RAD51B: variants seen among roughly 807,000 people sequenced by gnomAD.
RAD51B encodes the protein RAD51 paralog B, also known as DNA repair protein RAD51 homolog 2.
A neutral mutation model predicts 42.2 loss-of-function variants in RAD51B; 38 were observed. The ratio of observed to expected loss-of-function variants is 0.90; its 90% CI spans 0.70 to 1.18. RAD51B has a LOEUF of 1.18. Among genes scored for constraint, RAD51B ranks in the 50% most tolerant of loss-of-function variants. RAD51B has a pLI of 0.00. For synonymous variants in RAD51B, 154 were observed against 145.2 expected (o/e 1.06, Z -0.43); for missense variants, 373 against 400.7 (o/e 0.93, Z 0.59).
intron 7 of RAD51B, among the ~76,000 whole-genome samples, chr14:67,915,604 A>G (rs1174022608): frequency 1.3e-5 from 2 of 152,188 alleles, no homozygotes; most frequent in African/African-American, 4.8e-5. Flanking sequence ...TGCTAGACCT[A>G]CTGCCCTTTA....
chr14:68,161,563 A>C (rs1015968860), intron 7 of RAD51B, among the ~76,000 whole-genome samples: 3 of 152,198 alleles, frequency 2.0e-5, no homozygotes, highest in Admixed American at 2.0e-4. Flanking sequence ...GTTTCCTCTA[A>C]AGGAAGAGAC....
At chr14:68,674,600 G>A (rs921921956) in intron 11 of RAD51B, among the ~76,000 whole-genome samples, 8 of 152,036 alleles carry the variant, frequency 5.3e-5, no homozygotes, top group Admixed American at 1.3e-4. Flanking sequence ...CAGAAAATGT[G>A]TATGAGTAAA....
chr14:68,034,111 A>C (rs2076086400), intron 7 of RAD51B, among the ~76,000 whole-genome samples: 1 of 152,012 alleles, frequency 6.6e-6, no homozygotes, highest in African/African-American at 2.4e-5. Context: ...GATTTTGTTC[A>C]TTTTTTTGGT....
intron 4 of RAD51B, among the ~76,000 whole-genome samples, chr14:67,853,785 A>C (rs558741580): frequency 6.6e-6 from 1 of 152,334 alleles, no homozygotes; most frequent in East Asian, 1.9e-4. Flanking sequence ...TAACTTAAAA[A>C]TTTCCTAGGT....
At chr14:68,186,427 C>G (rs1213098403) in intron 7 of RAD51B, among the ~76,000 whole-genome samples, 1 of 152,088 alleles carries the variant, frequency 6.6e-6, no homozygotes, top group Non-Finnish European at 1.5e-5. Context: ...AAACAGACAA[C>G]CTACAGATAG....
intron 8 of RAD51B, among the ~76,000 whole-genome samples, chr14:68,359,329 C>G (rs1043760262): frequency 1.3e-5 from 2 of 152,172 alleles, no homozygotes; most frequent in African/African-American, 4.8e-5. Flanking sequence ...CATAAAGTCT[C>G]CCTTTCTGGG....
chr14:67,844,532 T>C (rs2041542589), intron 4 of RAD51B, among the ~76,000 whole-genome samples: 1 of 151,328 alleles, frequency 6.6e-6, no homozygotes, highest in East Asian at 1.9e-4. Context: ...CTATGTTTGC[T>C]GCATATATAG....
chr14:68,574,214 T>C (rs1357455949), intron 10 of RAD51B, among the ~76,000 whole-genome samples: 2 of 152,170 alleles, frequency 1.3e-5, no homozygotes, highest in Non-Finnish European at 2.9e-5. Flanking sequence ...CCTCAAGCAA[T>C]ACTGCCGCCT....
intron 7 of RAD51B, among the ~76,000 whole-genome samples, chr14:67,900,650 A>AAT (rs1397053620): frequency 6.8e-6 from 1 of 146,748 alleles, no homozygotes; most frequent in Non-Finnish European, 1.5e-5. Flanking sequence ...CACACACATA[A>AAT]ATATATATAT....
chr14:68,206,860 G>A (rs928971483), intron 7 of RAD51B, among the ~76,000 whole-genome samples: 33 of 150,816 alleles, frequency 2.2e-4, no homozygotes, highest in Non-Finnish European at 3.8e-4. Context: ...CGCGATCTCG[G>A]CTCACTGCAA....
At chr14:68,154,907 A>G (rs1410694628) in intron 7 of RAD51B, among the ~76,000 whole-genome samples, 1 of 152,222 alleles carries the variant, frequency 6.6e-6, no homozygotes, top group Admixed American at 6.5e-5. Context: ...ATCACAAAAC[A>G]GGGAATCTCT....
At chr14:68,638,549 C>T (rs1892387024) in intron 10 of RAD51B, among the ~76,000 whole-genome samples, 1 of 152,096 alleles carries the variant, frequency 6.6e-6, no homozygotes, top group Non-Finnish European at 1.5e-5. Flanking sequence ...GTCCCCTGGC[C>T]TCACCATCAA....
At chr14:68,508,073 G>A (rs1422201538) in intron 10 of RAD51B, among the ~76,000 whole-genome samples, 1 of 152,190 alleles carries the variant, frequency 6.6e-6, no homozygotes, top group Non-Finnish European at 1.5e-5. Context: ...GTTTAACCCT[G>A]CTGAAGACTA....
At chr14:68,358,407 T>G (rs1297659225) in intron 8 of RAD51B, among the ~76,000 whole-genome samples, 1 of 152,200 alleles carries the variant, frequency 6.6e-6, no homozygotes, top group African/African-American at 2.4e-5. Flanking sequence ...GATCGATGGG[T>G]CCGAGGCATG....
chr14:68,286,984 TC>T (rs1401636819), intron 7 of RAD51B, among the ~76,000 whole-genome samples: 3 of 152,188 alleles, frequency 2.0e-5, no homozygotes, highest in African/African-American at 7.2e-5. Flanking sequence ...TCATCTATTT[TC>T]ATTAGTGTGT....
chr14:68,292,629 A>G (rs1398064397), intron 8 of RAD51B, among the ~76,000 whole-genome samples: 1 of 152,176 alleles, frequency 6.6e-6, no homozygotes, highest in Non-Finnish European at 1.5e-5. Flanking sequence ...TTCATGCAGA[A>G]TGCTGTGGGT....
At chr14:67,820,045 T>A (rs1165918874) in intron 1 of RAD51B, among the ~76,000 whole-genome samples, 192 bp downstream of exon 1, 1 of 152,094 alleles carries the variant, frequency 6.6e-6, no homozygotes, top group Non-Finnish European at 1.5e-5. Flanking sequence ...CTTCGGGCCT[T>A]CTTTTGGTGG....
At chr14:68,653,027 G>A (rs772706764) in intron 11 of RAD51B, among the ~76,000 whole-genome samples, 4 of 152,242 alleles carry the variant, frequency 2.6e-5, no homozygotes, top group African/African-American at 7.2e-5. Context: ...TGAAAGCAAA[G>A]CATTTGATTC....
At chr14:68,450,570 G>A (rs1247119335) in intron 9 of RAD51B, among the ~76,000 whole-genome samples, 1 of 152,108 alleles carries the variant, frequency 6.6e-6, no homozygotes, top group Non-Finnish European at 1.5e-5. Flanking sequence ...TTCCACCTCT[G>A]AAGGGCCCTC....
Sources: allele counts gnomAD v4.1 joint callset (sites outside exome capture counted in the v4.1 genomes callset), GRCh38; gene constraint gnomAD v4.1.1; transcripts MANE v1.5; gene names NCBI Gene and HGNC (gene_info 2026-07-23, HGNC 2026-07-21).